AGBL1: variants seen among roughly 807,000 people sequenced by gnomAD.
AGBL1 encodes the protein AGBL carboxypeptidase 1, also known as cytosolic carboxypeptidase 4.
In AGBL1, 130 loss-of-function variants were observed where a neutral mutation model predicts 118.9. The observed-to-expected ratio is 1.09, with a 90% CI of 0.95 to 1.26. The LOEUF is 1.26. Ranked by LOEUF, AGBL1 falls within the 50% of genes most tolerant of loss-of-function variation. The pLI is 0.00. For missense variants in AGBL1, 1,584 were observed against 1,298.1 expected, an observed-to-expected ratio of 1.22 and a Z score of -3.38; for synonymous variants, 555 against 478.9, an observed-to-expected ratio of 1.16 and a Z score of -2.08.
chr15:86,286,749 A>ATATATATATAT (rs60775713), intron 16 of AGBL1, among the ~76,000 whole-genome samples: 2 of 145,388 alleles, frequency 1.4e-5, no homozygotes, highest in East Asian at 2.0e-4. Flanking sequence ...ATATATATAT[A>ATATATATATAT]AAACTCCATC....
chr15:86,916,408 G>C (rs1272926372), downstream of AGBL1, among the ~76,000 whole-genome samples: 1 of 152,010 alleles, frequency 6.6e-6, no homozygotes, highest in African/African-American at 2.4e-5. Flanking sequence ...TTGATGTCCT[G>C]GACTTTGTGT....
At chr15:86,695,601 G>T (rs1596377781) in intron 22 of AGBL1, among the ~76,000 whole-genome samples, 2 of 151,696 alleles carry the variant, frequency 1.3e-5, no homozygotes, top group Admixed American at 6.6e-5. Context: ...ATTTAGTTCT[G>T]CTCTGGTCTT....
intron 6 of AGBL1, among the ~76,000 whole-genome samples, chr15:86,244,927 C>T (rs1294394511): frequency 6.6e-6 from 1 of 152,072 alleles, no homozygotes; most frequent in Non-Finnish European, 1.5e-5. Context: ...TGCTGTATGG[C>T]CAAGATCTGC....
chr15:86,256,911 G>A lies in AGBL1; in HGVS notation c.794G>A (p.Arg265Lys), dbSNP rs765083113. 45 of 1,613,812 alleles carry A rather than the reference G, an allele frequency of 2.8e-5. No homozygotes were observed. Among genetic ancestry groups the A allele is most frequent in the Non-Finnish European group, 3.5e-5 (41 of 1,179,878 alleles). Residue 265 changes from arginine (R) to lysine (K), a missense_variant, in exon 8 of 23, where the codon AGG (arginine) becomes AAG (lysine). Arg to Lys is a conservative substitution (Grantham distance 26). Transcript: ENST00000614907. ...ATCTCTGTGGTGCTTCAGATCCTGA[G>A]GCAGTGCTACCCTACGAGTCCACTT... The part of the protein sequence containing the change: ...PVISVVLQIL[R>K]QCYPTSPLPL...
intron 17 of AGBL1, among the ~76,000 whole-genome samples, chr15:86,356,900 G>A (rs896399745): frequency 1.3e-5 from 2 of 152,186 alleles, no homozygotes; most frequent in Non-Finnish European, 2.9e-5. Context: ...ACATTACACA[G>A]TAAGCAACAT....
intron 18 of AGBL1, among the ~76,000 whole-genome samples, chr15:86,421,200 G>A (rs2142023889): frequency 6.6e-6 from 1 of 152,182 alleles, no homozygotes; most frequent in African/African-American, 2.4e-5. Context: ...AAAATGTTAA[G>A]GGCAGCCAGA....
chr15:86,892,278 T>C (rs2080062684), intron 22 of AGBL1, among the ~76,000 whole-genome samples: 2 of 152,192 alleles, frequency 1.3e-5, no homozygotes, highest in African/African-American at 2.4e-5. Context: ...AGGGTACACT[T>C]GTTCAATAAG....
chr15:86,474,063 G>A (rs191616082), intron 18 of AGBL1, among the ~76,000 whole-genome samples: 1 of 152,074 alleles, frequency 6.6e-6, no homozygotes. Context: ...GGCTGATTTT[G>A]ACACACACAA....
At chr15:86,967,619 A>G (rs967224529) in intron 23 of AGBL1, among the ~76,000 whole-genome samples, 1 of 152,082 alleles carries the variant, frequency 6.6e-6, no homozygotes, top group African/African-American at 2.4e-5. Context: ...CAGGTTTGTC[A>G]AAGATCAGAT....
chr15:86,462,769 CTT>C (rs919999201), intron 18 of AGBL1, among the ~76,000 whole-genome samples: 1 of 152,106 alleles, frequency 6.6e-6, no homozygotes, highest in Non-Finnish European at 1.5e-5. Flanking sequence ...TGAACTCATG[CTT>C]TTTTATGGCT....
At chr15:86,262,355 T>C (rs1253977083) in intron 9 of AGBL1, among the ~76,000 whole-genome samples, 2 of 152,050 alleles carry the variant, frequency 1.3e-5, no homozygotes, top group Non-Finnish European at 2.9e-5. Flanking sequence ...CCGGGAAGAG[T>C]ACCTGCTCAC....
intron 5 of AGBL1, among the ~76,000 whole-genome samples, chr15:86,176,311 G>C (rs578174629): frequency 1.3e-5 from 2 of 152,208 alleles, no homozygotes; most frequent in South Asian, 4.2e-4. Context: ...CAGTGGTGAG[G>C]ACAGGCTTGT....
chr15:86,742,508 G>A (rs1000769567), intron 22 of AGBL1, among the ~76,000 whole-genome samples: 1 of 152,004 alleles, frequency 6.6e-6, no homozygotes, highest in Admixed American at 6.6e-5. Flanking sequence ...GAAGTATCAC[G>A]AGATCAGATT....
At chr15:86,791,750 ATT>A (rs2078497035) in intron 22 of AGBL1, among the ~76,000 whole-genome samples, 1 of 130,310 alleles carries the variant, frequency 7.7e-6, no homozygotes, top group Non-Finnish European at 1.7e-5. Context: ...ATATATATAT[ATT>A]TTGAGACAGA....
At chr15:86,546,203 G>T in intron 20 of AGBL1, 70 bp downstream of exon 20, 1 of 1,390,876 alleles carries the variant, frequency 7.2e-7, no homozygotes, top group Non-Finnish European at 9.5e-7. Context: ...TTAAGACCAT[G>T]CCCCACTCAT....
chr15:86,777,024 A>T (rs1056798171), intron 22 of AGBL1, among the ~76,000 whole-genome samples: 1 of 152,002 alleles, frequency 6.6e-6, no homozygotes, highest in Non-Finnish European at 1.5e-5. Flanking sequence ...TTAGAGGATT[A>T]CTGCTCACAT....
intron 17 of AGBL1, among the ~76,000 whole-genome samples, chr15:86,304,635 G>A (rs1332077893): frequency 6.6e-6 from 1 of 152,148 alleles, no homozygotes; most frequent in Non-Finnish European, 1.5e-5. Flanking sequence ...TAGCCACCAT[G>A]TAGGACCTTT....
chr15:86,828,195 G>A (rs2079058431), intron 22 of AGBL1, among the ~76,000 whole-genome samples: 2 of 151,388 alleles, frequency 1.3e-5, no homozygotes, highest in African/African-American at 2.4e-5. Context: ...CTCCTGCCTC[G>A]GCTTCCCAAA....
intron 22 of AGBL1, among the ~76,000 whole-genome samples, chr15:86,906,191 C>T (rs982471287): frequency 3.3e-5 from 5 of 152,190 alleles, no homozygotes; most frequent in African/African-American, 1.2e-4. Context: ...CGCTGCTAAT[C>T]CTAATTGGTT....
Sources: gnomAD v4.1 joint callset for allele counts (sites outside exome capture counted in the v4.1 genomes callset) on GRCh38, gnomAD v4.1.1 for gene constraint, MANE v1.5 for transcripts, NCBI Gene and HGNC (gene_info 2026-07-23, HGNC 2026-07-21) for gene names.